Variants in SH3TC1 observed in about 807,000 individuals in gnomAD.
SH3TC1 encodes the protein SH3 domain and tetratricopeptide repeats 1, also known as SH3 domain and tetratricopeptide repeat-containing protein 1.
SH3TC1 carries 135 observed loss-of-function variants against 117.3 expected under a neutral mutation model. The ratio of observed to expected loss-of-function variants is 1.15; its 90% confidence interval spans 1.00 to 1.33. The LOEUF is 1.33. Ranked by LOEUF, SH3TC1 falls within the 40% of genes most tolerant of loss-of-function variation. The pLI, the probability that SH3TC1 is intolerant of heterozygous loss-of-function variation, is 0.00. For missense variants in SH3TC1, 2,092 were observed against 1,794.3 expected, an observed-to-expected ratio of 1.17 and a Z score of -3.00; for synonymous variants, 898 against 816.9, an observed-to-expected ratio of 1.10 and a Z score of -1.69.
At position 8,228,560 on chromosome 4, in the gene SH3TC1, T is replaced by G. The variant is rs1247876461; in HGVS notation, c.2866T>G (p.Cys956Gly). Residue 956 changes from cysteine to glycine, a missense_variant, in exon 12 of 18, where the codon TGC becomes GGC. Cys to Gly is a radical substitution (Grantham distance 159). Coordinates refer to ENST00000245105, the MANE Select transcript of SH3TC1 (RefSeq NM_018986.5). ...THVLLQLGHL[C>G]TRQGPAQQGK... ...CGTGCTCCTGCAGCTGGGCCATCTCTGCACCCGCCAGGGCCCGGCCCAGCA... is the reference window on the plus strand; with the variant it reads ...CGTGCTCCTGCAGCTGGGCCATCTCGGCACCCGCCAGGGCCCGGCCCAGCA... 6.2e-7 allele frequency: 1 copy of G among 1,604,760 alleles called. No individual in the cohort carries two copies. Among genetic ancestry groups the G allele is most frequent in the South Asian group, 1.1e-5 (1 of 89,736 alleles).
At chr4:8,239,835 G>T (rs535660603) in intron 17 of SH3TC1, among the ~76,000 whole-genome samples, 13 of 152,362 alleles carry the variant, frequency 8.5e-5, no homozygotes, top group Admixed American at 5.9e-4. Flanking sequence ...GAGCAGGGAC[G>T]TTAGGCTCAG....
Position 8,225,007 on chromosome 4 carries a change from C to A in SH3TC1, c.1244-168C>A, listed in dbSNP as rs1017282403. On this transcript the variant is annotated intron_variant, in intron 10 of 17. Coordinates refer to ENST00000245105, the MANE Select transcript of SH3TC1 (RefSeq NM_018986.5). This position sits in a 1 kb window ranked among gnomAD's most constrained non-coding sequence, Gnocchi z 5.5. The stretch of plus-strand genomic sequence containing the variant: ...GCAACACCTCAGCCTGCAACACCTG[C>A]ACCCTGCAACACTCCAGCCCGCAAC... The A allele has an allele frequency of 2.6e-5, 20 of 766,220 alleles. No homozygotes were observed. The highest frequency in any genetic ancestry group is 1.7e-5 in the African/African-American group (1 of 57,798). 47.5% of individuals were successfully genotyped at this position (766,220 alleles called of 1,614,324 possible).
At chr4:8,193,901 G>A (rs58214166) in intron 1 of SH3TC1, among the ~76,000 whole-genome samples, 21,888 of 152,264 alleles carry the variant, frequency 0.14, 1,855 homozygotes, top group African/African-American at 0.21. Context: ...GAGAACTGAA[G>A]ATGCTCTGAG....
At chr4:8,235,403 G>A in intron 14 of SH3TC1, 30 bp from the exon 15 acceptor site, 1 of 1,457,386 alleles carries the variant, frequency 6.9e-7, no homozygotes, top group Non-Finnish European at 9.1e-7. Context: ...ACCAGGTGTG[G>A]GTCTTGAGGG....
chr4:8,228,509 G>C lies in SH3TC1; in HGVS notation c.2815G>C (p.Gly939Arg), dbSNP rs774893478. ...AVRLFSRLPL[G>R]ECGRDFTHVL... ...GCGGCTGTTCTCGAGGCTGCCCCTT[G>C]GGGAGTGTGGCCGGGACTTCACCCA... The change falls in exon 12 of 18, where the codon GGG (glycine) becomes CGG (arginine). Residue 939 changes from glycine (G) to arginine (R), a missense_variant. Physicochemically the swap from Gly to Arg is moderately radical, Grantham distance 125. Transcript: ENST00000245105. 34 of 1,611,106 alleles carry C rather than the reference G, an allele frequency of 2.1e-5. No individual in the cohort carries two copies. The highest frequency in any genetic ancestry group is 2.5e-5 in the Non-Finnish European group (29 of 1,179,370).
At chr4:8,204,464 C>T (rs1228514829) in intron 1 of SH3TC1, among the ~76,000 whole-genome samples, 2 of 152,198 alleles carry the variant, frequency 1.3e-5, no homozygotes, top group African/African-American at 2.4e-5. Context: ...TGAAAACTGC[C>T]CTGGCCATGG....
Position 8,190,314 on chromosome 4 carries a change from T to C in SH3TC1, c.-57+8104T>C, listed in dbSNP as rs1717377968. Among the ~76,000 whole-genome samples, 1 of 152,154 alleles carries C rather than the reference T, an allele frequency of 6.6e-6. No homozygotes were observed. Among genetic ancestry groups the C allele is most frequent in the Non-Finnish European group, 1.5e-5 (1 of 68,030 alleles). On this transcript the variant is annotated intron_variant, in intron 1 of 16. Coordinates refer to the SH3TC1 transcript ENST00000508641. This position sits in a 1 kb window ranked among gnomAD's most constrained non-coding sequence, Gnocchi z 4.7. Reference sequence around the variant, plus strand: ...CGGCGGAGTTGGGGGACTGTGTGCTTGGGTTGGGTTAATGACTGTGTAAGC... The same window carrying C: ...CGGCGGAGTTGGGGGACTGTGTGCTCGGGTTGGGTTAATGACTGTGTAAGC...
At chr4:8,185,884 C>T (rs532452244) in intron 1 of SH3TC1, among the ~76,000 whole-genome samples, 1 of 152,280 alleles carries the variant, frequency 6.6e-6, no homozygotes, top group South Asian at 2.1e-4. Flanking sequence ...GGTCATTTGC[C>T]CTCAGATGGG....
Position 8,210,320 on chromosome 4 carries a change from C to T in SH3TC1, c.247+498C>T, listed in dbSNP as rs1561684574. On this transcript the variant is annotated intron_variant, in intron 3 of 17. Transcript: ENST00000245105. This position sits in a 1 kb window ranked among gnomAD's most constrained non-coding sequence, Gnocchi z 4.1. ...CCTTACCCTGGAGACCCCCCAACCC[C>T]CCGCTGGGGAGGAATGGAGACCCCA... is the stretch of plus-strand genomic sequence containing the variant. 6.6e-6 allele frequency among the ~76,000 whole-genome samples: 1 copy of T among 152,232 alleles called. No individual in the cohort carries two copies. The highest frequency in any genetic ancestry group is 1.5e-5 in the Non-Finnish European group (1 of 68,040).
At chr4:8,213,547 G>A (rs1177784424) in intron 4 of SH3TC1, among the ~76,000 whole-genome samples, 1 of 152,174 alleles carries the variant, frequency 6.6e-6, no homozygotes. Flanking sequence ...GGGTCAGCAT[G>A]CTGGCTCCGG....
At chr4:8,237,821 T>C in intron 17 of SH3TC1, 151 bp downstream of exon 17, 1 of 863,572 alleles carries the variant, frequency 1.2e-6, no homozygotes, top group South Asian at 2.1e-5. Context: ...GCTGGCAAGG[T>C]TAGCAGACAC....
chr4:8,232,963 G>C, intron 13 of SH3TC1: 1 of 1,193,724 alleles, frequency 8.4e-7, no homozygotes, highest in Non-Finnish European at 1.1e-6. Context: ...GAAGCTCTGG[G>C]GGCAGGCCAG....
chr4:8,216,849 G>A (rs934484891), intron 6 of SH3TC1, 108 bp from the exon 7 acceptor site: 22 of 1,143,012 alleles, frequency 1.9e-5, no homozygotes, highest in East Asian at 9.5e-5. Flanking sequence ...TGGGGGGGCC[G>A]CTCCTGTGGG....
At position 8,232,016 on chromosome 4, in the gene SH3TC1, C is replaced by A. The variant is rs376494346; in HGVS notation, c.2991C>A (p.Ser997Arg). The A allele has an allele frequency of 1.2e-6, 2 of 1,612,814 alleles. No homozygotes were observed. Among genetic ancestry groups the A allele is most frequent in the Non-Finnish European group, 1.7e-6 (2 of 1,180,006 alleles). Residue 997 changes from serine to arginine, a missense_variant, in exon 13 of 18, where the codon AGC (serine) becomes AGA (arginine). By Grantham distance (110) the Ser-to-Arg change is moderately radical. Transcript: ENST00000245105. The part of the protein sequence containing the change: ...RAVQRLCHFY[S>R]AVMPSEAQCV... ...TCCAGCGGCTGTGCCACTTCTACAG[C>A]GCCGTCATGCCCAGCGAGGCCCAGT...
intron 1 of SH3TC1, among the ~76,000 whole-genome samples, chr4:8,187,318 C>T (rs1429506188): frequency 6.7e-6 from 1 of 149,746 alleles, no homozygotes; most frequent in African/African-American, 2.6e-5. Context: ...ACCCTGGTCA[C>T]CTGGCTGAAG....
rs1283685927 is a variant in SH3TC1 at position 8,209,304 on chromosome 4, G to A, written c.173-444G>A. Among the ~76,000 whole-genome samples the A allele has an allele frequency of 1.3e-5, 2 of 152,222 alleles. No homozygotes were observed. Among genetic ancestry groups the A allele is most frequent in the African/African-American group, 2.4e-5 (1 of 41,440 alleles). Reference sequence around the variant, plus strand: ...TGGAATCACAGGGCTTTTGTAGGAGGAAGGCAGGAGGGAGAGGCAGAAAAG... The same window carrying A: ...TGGAATCACAGGGCTTTTGTAGGAGAAAGGCAGGAGGGAGAGGCAGAAAAG... On this transcript the variant is annotated intron_variant, in intron 2 of 17. Coordinates refer to ENST00000245105, the MANE Select transcript of SH3TC1 (RefSeq NM_018986.5). The surrounding 1 kb of genome is among the most constrained non-coding windows in gnomAD (Gnocchi z 5.9).
At chr4:8,240,517 CA>C (rs1380751172) in intron 17 of SH3TC1, among the ~76,000 whole-genome samples, 180 bp from the exon 18 acceptor site, 2 of 152,170 alleles carry the variant, frequency 1.3e-5, no homozygotes, top group African/African-American at 2.4e-5. Context: ...GGAATCCTTC[CA>C]GGGGGTGCCA....
rs775691806 is a variant in SH3TC1, at chr4:8,205,516, T to TC, written c.172+155dup. 15 of 1,100,716 alleles carry TC rather than the reference T, an allele frequency of 1.4e-5. No individual in the cohort carries two copies. Among genetic ancestry groups the TC allele is most frequent in the Non-Finnish European group, 1.8e-5 (13 of 720,772 alleles). The allele number at this position is 1,100,716 out of a possible 1,614,324, so 68.2% of individuals were successfully genotyped here. A position where few individuals can be genotyped will look rare whatever the true frequency, so the allele number is the denominator to read the frequency against. On this transcript the variant is annotated intron_variant, in intron 2 of 17. Coordinates refer to ENST00000245105, the MANE Select transcript of SH3TC1 (RefSeq NM_018986.5). This position sits in a 1 kb window ranked among gnomAD's most constrained non-coding sequence, Gnocchi z 5.4. The stretch of plus-strand genomic sequence containing the variant: ...TGCTCTCCATCACTTCTCGTTTCCT[T>TC]CCCCCGCGTGTGTTTAACAGGAGCC...
upstream of SH3TC1, among the ~76,000 whole-genome samples, chr4:8,198,143 G>A (rs896275615): frequency 6.6e-6 from 1 of 152,122 alleles, no homozygotes; most frequent in East Asian, 1.9e-4. Flanking sequence ...CCCAAATGTC[G>A]GTAGTGCCTT....
Sources: gnomAD v4.1 joint callset for allele counts (sites outside exome capture counted in the v4.1 genomes callset) on GRCh38, gnomAD v4.1.1 for gene constraint, Gnocchi (gnomAD v3.1) non-coding constraint, MANE v1.5 for transcripts, NCBI Gene and HGNC (gene_info 2026-07-23, HGNC 2026-07-21) for gene names.